Variants in RIBC2 observed in about 807,000 individuals in gnomAD.
RIBC2 encodes the protein RIB43A domain with coiled-coils 2.
RIBC2 carries 40 observed loss-of-function variants against 44.3 expected under a neutral mutation model. The observed-to-expected ratio is 0.90, with a 90% CI of 0.70 to 1.18. RIBC2 has a LOEUF of 1.18. Ranked by LOEUF, RIBC2 falls within the 50% of genes most tolerant of loss-of-function variation. The pLI is 0.00. For synonymous variants in RIBC2, 171 were observed against 175.0 expected, an observed-to-expected ratio of 0.98 and a Z score of 0.18; for missense variants, 459 against 485.5, an observed-to-expected ratio of 0.95 and a Z score of 0.51.
chr22:45,419,696 G>A (rs112587279), intron 3 of RIBC2, among the ~76,000 whole-genome samples: 21,840 of 148,410 alleles, frequency 0.15, 1,647 homozygotes, highest in Middle Eastern at 0.28. Context: ...TTGTGCCACC[G>A]CCCTCCAGCC....
chr22:45,424,323 C>G (rs958646090), intron 4 of RIBC2, among the ~76,000 whole-genome samples: 1 of 152,216 alleles, frequency 6.6e-6, no homozygotes, highest in Admixed American at 6.5e-5. Flanking sequence ...TGGGTCGGGG[C>G]TCATTTCGTC....
At chr22:45,421,176 T>C (rs1471020162) in intron 3 of RIBC2, among the ~76,000 whole-genome samples, 1 of 151,770 alleles carries the variant, frequency 6.6e-6, no homozygotes, top group East Asian at 1.9e-4. Context: ...GCGCCTGTAA[T>C]CTCAGCTACC....
Position 45,417,465 on chromosome 22 carries a change from G to A in RIBC2, c.212-137G>A, listed in dbSNP as rs12158376. ...CTCAGGAGGCTGAGGCAGAAAGATG[G>A]TTGGAGGCCAGGAGACCAGCCCAGG... is the stretch of plus-strand genomic sequence containing the variant. On this transcript the variant is annotated intron_variant, in intron 2 of 6. Coordinates refer to ENST00000614167, the MANE Select transcript of RIBC2 (RefSeq NM_015653.5). 4,105 of 628,164 alleles carry A rather than the reference G, an allele frequency of 6.5e-3. 109 individuals are homozygous for A. In the African/African-American group the frequency reaches 0.067, roughly 10 times the overall value. 38.9% of individuals were successfully genotyped at this position (628,164 alleles called of 1,614,324 possible).
intron 5 of RIBC2, among the ~76,000 whole-genome samples, chr22:45,426,832 G>A (rs953256787): frequency 6.6e-6 from 1 of 152,140 alleles, no homozygotes. Context: ...CTGGGACCAC[G>A]GGGCAGGCAG....
chr22:45,429,108 G>A (rs1305445980), intron 5 of RIBC2, among the ~76,000 whole-genome samples: 5 of 152,204 alleles, frequency 3.3e-5, no homozygotes, highest in Non-Finnish European at 5.9e-5. Flanking sequence ...AGACAGGTTA[G>A]AGCAGTGAGA....
intron 3 of RIBC2, among the ~76,000 whole-genome samples, chr22:45,421,557 TA>T (rs2087482881): frequency 2.8e-5 from 1 of 36,066 alleles, no homozygotes; most frequent in East Asian, 1.5e-3. Context: ...ATAATAATAA[TA>T]GTATTATTAA....
intron 1 of RIBC2, 85 bp from the exon 2 acceptor site, chr22:45,414,237 G>T: frequency 1.3e-6 from 2 of 1,506,290 alleles, no homozygotes; most frequent in Admixed American, 2.5e-5. Context: ...GTGGGGCAGA[G>T]ATTAAAAATA....
chr22:45,415,299 T>C (rs2087412995), intron 2 of RIBC2, among the ~76,000 whole-genome samples: 1 of 151,962 alleles, frequency 6.6e-6, no homozygotes, highest in South Asian at 2.1e-4. Flanking sequence ...CAATGGGCTG[T>C]TATGTTTTTA....
chr22:45,430,602 G>C (rs2087570182), intron 5 of RIBC2, among the ~76,000 whole-genome samples: 1 of 152,194 alleles, frequency 6.6e-6, no homozygotes, highest in South Asian at 2.1e-4. Flanking sequence ...CTGCACCTGG[G>C]AGCCCTGCAC....
chr22:45,416,770 G>C (rs2087428998), intron 2 of RIBC2, among the ~76,000 whole-genome samples: 1 of 151,504 alleles, frequency 6.6e-6, no homozygotes, highest in Admixed American at 6.6e-5. Context: ...GCAAATGAGA[G>C]ATCTTGTTTC....
chr22:45,422,899 C>A (rs1031869928), intron 4 of RIBC2, among the ~76,000 whole-genome samples: 1 of 151,940 alleles, frequency 6.6e-6, no homozygotes, highest in Non-Finnish European at 1.5e-5. Context: ...AAACTCTGGC[C>A]CCCCTCCTCC....
intron 2 of RIBC2, among the ~76,000 whole-genome samples, chr22:45,416,006 C>A (rs949821546): frequency 2.0e-5 from 3 of 152,108 alleles, no homozygotes; most frequent in Non-Finnish European, 4.4e-5. Flanking sequence ...AGCCCCCACG[C>A]ACTATTTATG....
intron 2 of RIBC2, among the ~76,000 whole-genome samples, chr22:45,417,004 C>T (rs1038069691): frequency 2.7e-5 from 4 of 150,190 alleles, no homozygotes; most frequent in African/African-American, 7.4e-5. Context: ...TGGGTTCAAG[C>T]GATTCTTTTG....
intron 4 of RIBC2, among the ~76,000 whole-genome samples, chr22:45,425,145 A>G (rs978553202): frequency 2.1e-4 from 32 of 150,652 alleles, no homozygotes; most frequent in Admixed American, 1.8e-3. Context: ...ACAAACAAAC[A>G]AAAAAAAACG....
At chr22:45,419,040 C>G (rs573411055) in intron 3 of RIBC2, among the ~76,000 whole-genome samples, 1 of 152,322 alleles carries the variant, frequency 6.6e-6, no homozygotes, top group South Asian at 2.1e-4. Context: ...CATCCAGGTC[C>G]TTTGTTGGTT....
Position 45,413,953 on chromosome 22 carries a change from A to G in RIBC2, c.67A>G (p.Arg23Gly). The change falls in exon 1 of 7, where the codon AGG becomes GGG. Residue 23 changes from arginine to glycine, a missense_variant. Arg to Gly is a moderately radical substitution (Grantham distance 125). Transcript: ENST00000614167. ...DLRQDANLAK[R>G]RHAELCRQKR... The stretch of plus-strand genomic sequence containing the variant: ...GCGGCAGGACGCCAACCTGGCAAAG[A>G]GGAGGCACGCGGAGCTGTGCAGGCA... The G allele has an allele frequency of 1.9e-6, 3 of 1,551,700 alleles. No homozygotes were observed. Among genetic ancestry groups the G allele is most frequent in the Non-Finnish European group, 2.6e-6 (3 of 1,146,988 alleles).
chr22:45,418,430 A>G (rs2087447237), intron 3 of RIBC2, among the ~76,000 whole-genome samples: 1 of 152,108 alleles, frequency 6.6e-6, no homozygotes, highest in African/African-American at 2.4e-5. Context: ...CTCTTGGGCA[A>G]AGGCTCCAAG....
chr22:45,414,035 G>C lies in RIBC2; in HGVS notation c.129+20G>C. The C allele has an allele frequency of 3.9e-6, 6 of 1,551,270 alleles. 1 individual carries two copies. In the South Asian group the frequency reaches 7.1e-5, roughly 18 times the overall value. On this transcript the variant is annotated intron_variant, in intron 1 of 6. Coordinates refer to ENST00000614167, the MANE Select transcript of RIBC2 (RefSeq NM_015653.5). ...ATTGGGGTGAAAGGGCAGGGGCCGGGACGGGGTTAGAGCGGCAGATGCGGG... is the reference window on the plus strand; with the variant it reads ...ATTGGGGTGAAAGGGCAGGGGCCGGCACGGGGTTAGAGCGGCAGATGCGGG...
chr22:45,426,247 A>G, intron 5 of RIBC2, 72 bp downstream of exon 5: 3 of 1,332,792 alleles, frequency 2.3e-6, no homozygotes, highest in Non-Finnish European at 3.2e-6. Context: ...CCAGGCACAA[A>G]TGTAGTTGTA....
Sources: gnomAD v4.1 joint callset for allele counts (sites outside exome capture counted in the v4.1 genomes callset) on GRCh38, gnomAD v4.1.1 for gene constraint, MANE v1.5 for transcripts, NCBI Gene and HGNC (gene_info 2026-07-23, HGNC 2026-07-21) for gene names.